Variants in AARS2 observed in about 807,000 individuals in gnomAD.
AARS2 encodes alanine--tRNA ligase, mitochondrial.
In AARS2, 78 loss-of-function variants were observed where a neutral mutation model predicts 119.7. The ratio of observed to expected loss-of-function variants is 0.65; its 90% confidence interval spans 0.54 to 0.79. The LOEUF is 0.79. Among genes scored for constraint, AARS2 ranks in the 30% least tolerant of loss-of-function variants. The probability of loss-of-function intolerance (pLI) is 0.00; values close to 1 mark genes in which losing one functional copy is unlikely to be tolerated. For missense variants in AARS2, 1,157 were observed against 1,291.3 expected, an observed-to-expected ratio of 0.90 and a Z score of 1.59; for synonymous variants, 502 against 526.3, an observed-to-expected ratio of 0.95 and a Z score of 0.63.
rs201265000 is a variant in AARS2 at position 44,304,511 on chromosome 6, C to G, written c.1775G>C (p.Arg592Pro). The change falls in exon 13 of 22, where the codon CGG becomes CCG. Residue 592 changes from arginine to proline, a missense_variant. Transcript: ENST00000244571. Reference sequence around the variant, plus strand: ...GATGAAACCTCCACAGACCTGGGCCCGGGCTACTGGGAACAGCACGTCCTG... The same window carrying G: ...GATGAAACCTCCACAGACCTGGGCCGGGGCTACTGGGAACAGCACGTCCTG... ...GQEDVLFPVA[R>P]AQVCGGFILH... 6 of 1,614,014 alleles carry G rather than the reference C, an allele frequency of 3.7e-6. No individual in the cohort carries two copies. Among genetic ancestry groups the G allele is most frequent in the Middle Eastern group, 1.6e-4 (1 of 6,084 alleles).
chr6:44,304,516 T>A lies in AARS2; in HGVS notation c.1770A>T (p.Val590=). The A allele has an allele frequency of 6.2e-7, 1 of 1,614,176 alleles. No individual in the cohort carries two copies. The highest frequency in any genetic ancestry group is 8.5e-7 in the Non-Finnish European group (1 of 1,180,028). Reference sequence around the variant, plus strand: ...AACCTCCACAGACCTGGGCCCGGGCTACTGGGAACAGCACGTCCTGAGGGA... The same window carrying A: ...AACCTCCACAGACCTGGGCCCGGGCAACTGGGAACAGCACGTCCTGAGGGA... The part of the protein sequence containing the change: ...RAGQEDVLFP[V]ARAQVCGGFI... The change falls in exon 13 of 22, where the codon GTA becomes GTT. Residue 590 remains valine, a synonymous_variant. Transcript: ENST00000244571.
Position 44,304,780 on chromosome 6 carries a change from A to G in AARS2, c.1617T>C (p.Tyr539=). Residue 539 remains tyrosine (Y), a synonymous_variant, in exon 12 of 22, where the codon TAT becomes TAC. Coordinates refer to ENST00000244571, the MANE Select transcript of AARS2 (RefSeq NM_020745.4). ...GTCEAQVLQL[Y]TEDGTAVASV... is the part of the protein sequence containing the mutation. ...AGGCCACTGCTGTCCCGTCCTCTGTATACAGTTGCAACACCTGGGCCTCAC... is the reference window on the plus strand; with the variant it reads ...AGGCCACTGCTGTCCCGTCCTCTGTGTACAGTTGCAACACCTGGGCCTCAC... 1.9e-6 allele frequency: 3 copies of G among 1,614,142 alleles called. No individual in the cohort carries two copies. Among genetic ancestry groups the G allele is most frequent in the Non-Finnish European group, 2.5e-6 (3 of 1,180,012 alleles).
In AARS2 at chr6:44,300,425, T is replaced by C; in HGVS notation, c.*122A>G. ...TAGGCCCTGGCCCAGGTGATCTTCT[T>C]TGGCTCAGCTGCTTGGCCTCCAGCC... On this transcript the variant is annotated 3_prime_UTR_variant, in exon 22 of 22. Coordinates refer to ENST00000244571, the MANE Select transcript of AARS2 (RefSeq NM_020745.4). 1 of 1,434,578 alleles carries C rather than the reference T, an allele frequency of 7.0e-7. No homozygotes were observed. The highest frequency in any genetic ancestry group is 9.7e-7 in the Non-Finnish European group (1 of 1,026,426). The allele number at this position is 1,434,578 out of a possible 1,614,324, so 88.9% of individuals were successfully genotyped here.
Position 44,311,506 on chromosome 6 carries a change from C to A in AARS2, c.465G>T (p.Leu155=). The part of the protein sequence containing the change: ...KEEACNMAWE[L]LTQVYGIPEE... ...CAGGGATCCCATAGACCTGAGTCAG[C>A]AGTTCCCAGGCCATGTTACAAGCCT... The change falls in exon 3 of 22, where the codon CTG becomes CTT. Residue 155 remains leucine, a synonymous_variant. Transcript: ENST00000244571. 1.2e-6 allele frequency: 2 copies of A among 1,614,056 alleles called. No individual in the cohort carries two copies. Among genetic ancestry groups the A allele is most frequent in the Non-Finnish European group, 1.7e-6 (2 of 1,180,026 alleles).
chr6:44,306,708 G>A (rs755206289), intron 7 of AARS2, among the ~76,000 whole-genome samples, 176 bp from the exon 8 acceptor site: 9 of 152,164 alleles, frequency 5.9e-5, no homozygotes, highest in Non-Finnish European at 1.3e-4. Flanking sequence ...GGGGTCCTGA[G>A]GTCAAGGGCT....
At position 44,304,303 on chromosome 6, in the gene AARS2, T is replaced by C. The variant is rs751008766; in HGVS notation, c.1885A>G (p.Met629Val). The C allele has an allele frequency of 1.1e-5, 18 of 1,614,084 alleles. No individual in the cohort carries two copies. Among genetic ancestry groups the C allele is most frequent in the Non-Finnish European group, 1.5e-5 (18 of 1,180,038 alleles). ...AGGTGGGTGGCCGTATGCTTCGCCA[T>C]GCAGCCTAGACGCCAGGCCTGAAAT... ...HVDEAWRLGC[M>V]AKHTATHLLN... Residue 629 changes from methionine (M) to valine (V), a missense_variant, in exon 14 of 22, where the codon ATG becomes GTG. Physicochemically the swap from Met to Val is conservative, Grantham distance 21. Coordinates refer to ENST00000244571, the MANE Select transcript of AARS2 (RefSeq NM_020745.4).
rs374949338 is a variant in AARS2 at position 44,307,208 on chromosome 6, C to G, written c.1040+41G>C. 1,650 of 1,613,534 alleles carry G rather than the reference C, an allele frequency of 1.0e-3. 6 individuals are homozygous for G. Among genetic ancestry groups the G allele is most frequent in the Admixed American group, 1.4e-3 (82 of 59,960 alleles). ...TTCCCTCCCTCCTCCACCTGAGACC[C>G]CCAGCAGCCCCTGTCCTCTCTGTAG... On this transcript the variant is annotated intron_variant, in intron 6 of 21. Coordinates refer to ENST00000244571, the MANE Select transcript of AARS2 (RefSeq NM_020745.4). The surrounding 1 kb of genome is among the most constrained non-coding windows in gnomAD (Gnocchi z 4.4).
chr6:44,306,631 C>G lies in AARS2; in HGVS notation c.1150-99G>C, dbSNP rs549416953. 7.1e-5 allele frequency: 99 copies of G among 1,402,064 alleles called. No homozygotes were observed. The African/African-American group carries it at 1.3e-3, about 19-fold the overall frequency. 86.9% of individuals were successfully genotyped at this position (1,402,064 alleles called of 1,614,324 possible). On this transcript the variant is annotated intron_variant, in intron 7 of 21. Transcript: ENST00000244571. ...CCTGAGGACACCTGCCCTGGAGGCTCAGACACATTGAGGGGCTGGGAGAGG... is the reference window on the plus strand; with the variant it reads ...CCTGAGGACACCTGCCCTGGAGGCTGAGACACATTGAGGGGCTGGGAGAGG...
chr6:44,307,966 C>T lies in AARS2; in HGVS notation c.895-572G>A, dbSNP rs969100905. ...CTCTTCCCCAAGCTTCTTCGTCTAA[C>T]AGTCATGCCATTCACTGTGTTGCTC... On this transcript the variant is annotated intron_variant, in intron 5 of 21. Transcript: ENST00000244571. This position sits in a 1 kb window ranked among gnomAD's most constrained non-coding sequence, Gnocchi z 4.4. Among the ~76,000 whole-genome samples the T allele has an allele frequency of 4.6e-5, 7 of 152,216 alleles. No individual in the cohort carries two copies. The highest frequency in any genetic ancestry group is 7.3e-5 in the Non-Finnish European group (5 of 68,032).
chr6:44,305,872 C>T lies in AARS2; in HGVS notation c.1301-86G>A. 1.3e-6 allele frequency: 2 copies of T among 1,533,872 alleles called. No homozygotes were observed. Among genetic ancestry groups the T allele is most frequent in the African/African-American group, 1.4e-5 (1 of 73,346 alleles). On this transcript the variant is annotated intron_variant, in intron 9 of 21. Transcript: ENST00000244571. This position sits in a 1 kb window ranked among gnomAD's most constrained non-coding sequence, Gnocchi z 4.6. ...AAAATAAGGTCCAGGGCCCTTCTAA[C>T]CACGCAGAAGCCACCAGATGCCAAA...
Position 44,311,675 on chromosome 6 carries a change from T to C in AARS2, c.436-140A>G, listed in dbSNP as rs78350664. 3.6e-3 allele frequency: 3,907 copies of C among 1,094,818 alleles called. 95 individuals are homozygous for C. The African/African-American group carries it at 0.054, about 15-fold the overall frequency. 67.8% of individuals were successfully genotyped at this position (1,094,818 alleles called of 1,614,324 possible). A position where few individuals can be genotyped will look rare whatever the true frequency, so the allele number is the denominator to read the frequency against. On this transcript the variant is annotated intron_variant, in intron 2 of 21. Coordinates refer to ENST00000244571, the MANE Select transcript of AARS2 (RefSeq NM_020745.4). ...GCCATCTTGTTCCCAGAATAAGCCATGAACCATTACTGCCTCTGAGTGTTT... is the reference window on the plus strand; with the variant it reads ...GCCATCTTGTTCCCAGAATAAGCCACGAACCATTACTGCCTCTGAGTGTTT...
In AARS2 at chr6:44,305,264, C is replaced by T. The variant is rs1785740625; in HGVS notation, c.1435-66G>A. Reference sequence around the variant, plus strand: ...TGAAAGAATGAAAGTGGGACTTCAGCCTCGCAGGGCCCTGTCCCTGCCACA... The same window carrying T: ...TGAAAGAATGAAAGTGGGACTTCAGTCTCGCAGGGCCCTGTCCCTGCCACA... On this transcript the variant is annotated intron_variant, in intron 10 of 21. Transcript: ENST00000244571. This position sits in a 1 kb window ranked among gnomAD's most constrained non-coding sequence, Gnocchi z 4.6. 5 of 1,593,958 alleles carry T rather than the reference C, an allele frequency of 3.1e-6. No individual in the cohort carries two copies. The highest frequency in any genetic ancestry group is 1.3e-5 in the African/African-American group (1 of 74,758).
rs1350653756 is a variant in AARS2, at chr6:44,301,194, G to T, written c.2755C>A (p.Pro919Thr). Reference protein sequence around the residue: ...STSVLLLSPQPMGKVLCACQV... With the variant: ...STSVLLLSPQTMGKVLCACQV... ...CAGGCACACAGCACCTTCCCCATGG[G>T]CTGGGGGCTGAGTAGGAGCACAGAC... The change falls in exon 21 of 22, where the codon CCC becomes ACC. Residue 919 changes from proline to threonine, a missense_variant. Pro to Thr is a conservative substitution (Grantham distance 38, BLOSUM62 -1). Coordinates refer to ENST00000244571, the MANE Select transcript of AARS2 (RefSeq NM_020745.4). 6.2e-7 allele frequency: 1 copy of T among 1,613,686 alleles called. No individual in the cohort carries two copies. The highest frequency in any genetic ancestry group is 1.7e-5 in the Admixed American group (1 of 59,958).
At chr6:44,308,756 T>C (rs1046554697) in intron 5 of AARS2, among the ~76,000 whole-genome samples, 2 of 152,046 alleles carry the variant, frequency 1.3e-5, no homozygotes, top group Non-Finnish European at 2.9e-5. Context: ...TGTGCCACCA[T>C]GCCTGGCTGA....
In AARS2 at chr6:44,304,510, CCGG is replaced by C; in HGVS notation, c.1773_1775del (p.Arg592del). 6.2e-7 allele frequency: 1 copy of C among 1,614,156 alleles called. No homozygotes were observed. Among genetic ancestry groups the C allele is most frequent in the Non-Finnish European group, 8.5e-7 (1 of 1,180,028 alleles). Reference sequence around the variant, plus strand: ...GGATGAAACCTCCACAGACCTGGGCCCGGGCTACTGGGAACAGCACGTCCTGAG... The same window carrying C: ...GGATGAAACCTCCACAGACCTGGGCCGCTACTGGGAACAGCACGTCCTGAG... On this transcript the variant is annotated inframe_deletion, in exon 13 of 22. Transcript: ENST00000244571.
chr6:44,307,421 GC>G lies in AARS2; in HGVS notation c.895-28del. On this transcript the variant is annotated intron_variant, in intron 5 of 21. Transcript: ENST00000244571. The surrounding 1 kb of genome is among the most constrained non-coding windows in gnomAD (Gnocchi z 4.4). ...TGGGAAGCAGAAGAGTCAGCCAGTG[GC>G]CCTGCCTGACCTGGCCCAGGTGGGT... is the stretch of plus-strand genomic sequence containing the variant. 6.3e-7 allele frequency: 1 copy of G among 1,581,260 alleles called. No individual in the cohort carries two copies. The highest frequency in any genetic ancestry group is 1.1e-5 in the South Asian group (1 of 87,042).
Position 44,304,330 on chromosome 6 carries a change from CTT to C in AARS2, c.1867-11_1867-10del, listed in dbSNP as rs1561939009. ...CAGCCTAGACGCCAGGCCTGAAATACTTTTGTCACCCAGCGTCCTGGGTGAGG... is the reference window on the plus strand; with the variant it reads ...CAGCCTAGACGCCAGGCCTGAAATACTTGTCACCCAGCGTCCTGGGTGAGG... On this transcript the variant is annotated splice_polypyrimidine_tract_variant and intron_variant, in intron 13 of 21. Transcript: ENST00000244571. 6.2e-7 allele frequency: 1 copy of C among 1,614,168 alleles called. No individual in the cohort carries two copies. Among genetic ancestry groups the C allele is most frequent in the Admixed American group, 1.7e-5 (1 of 60,036 alleles).
chr6:44,306,819 T>C, intron 7 of AARS2, 104 bp downstream of exon 7: 1 of 1,065,352 alleles, frequency 9.4e-7, no homozygotes, highest in Non-Finnish European at 1.5e-6. Flanking sequence ...ATATTTAGGG[T>C]GGGGACCTCT....
Position 44,306,379 on chromosome 6 carries a change from C to A in AARS2, c.1201G>T (p.Val401Leu), listed in dbSNP as rs764340309. 3.5e-5 allele frequency: 57 copies of A among 1,613,956 alleles called. No individual in the cohort carries two copies. In the East Asian group the frequency reaches 1.2e-3, roughly 35 times the overall value. The change falls in exon 9 of 22, where the codon GTG (valine) becomes TTG (leucine). Residue 401 changes from valine to leucine, a missense_variant. Val to Leu is a conservative substitution (Grantham distance 32). Coordinates refer to ENST00000244571, the MANE Select transcript of AARS2 (RefSeq NM_020745.4). ...AGGAAGGCTGCCTCGTCCTCTGACA[C>A]CAGGTTGGCGATCTGAACCAGGCAG... ...QRNSAQIANL[V>L]SEDEAAFLAS...
Sources: allele counts gnomAD v4.1 joint callset (sites outside exome capture counted in the v4.1 genomes callset), GRCh38; gene constraint gnomAD v4.1.1; non-coding constraint Gnocchi (gnomAD v3.1); transcripts MANE v1.5; gene names NCBI Gene and HGNC (gene_info 2026-07-23, HGNC 2026-07-21).